The following FAXC variants were observed in gnomAD, a reference collection of about 807,000 sequenced individuals.
FAXC encodes the protein failed axon connections homolog, metaxin like GST domain containing, also known as failed axon connections homolog.
Under a neutral mutation model 41.9 loss-of-function variants are expected in FAXC, and 10 were observed. That is an observed-to-expected ratio of 0.24 (90% confidence interval 0.15 to 0.41). FAXC has a LOEUF of 0.41. Among genes scored for constraint, FAXC ranks in the 10% least tolerant of loss-of-function variants. FAXC has a pLI of 1.00. For synonymous variants in FAXC, 183 were observed against 183.8 expected, an observed-to-expected ratio of 1.00 and a Z score of 0.03; for missense variants, 399 against 510.9, an observed-to-expected ratio of 0.78 and a Z score of 2.11.
In FAXC at chr6:99,271,380, A is replaced by C. The variant is rs1289736601; in HGVS notation, c.*9784T>G. The C allele has an allele frequency of 1.3e-5, 2 of 152,114 alleles. No individual in the cohort carries two copies. Among genetic ancestry groups the C allele is most frequent in the Non-Finnish European group, 2.9e-5 (2 of 68,010 alleles). 9.4% of individuals were successfully genotyped at this position (152,114 alleles called of 1,614,324 possible). A position where few individuals can be genotyped will look rare whatever the true frequency, so the allele number is the denominator to read the frequency against. ...GATCTATTTCAAAGTATTTCTGACT[A>C]GGGTCTATGTTAATAAACAGGGCTG... On this transcript the variant is annotated 3_prime_UTR_variant, in exon 6 of 6. Transcript: ENST00000389677.
chr6:99,291,427 G>T (rs2128449730), intron 5 of FAXC, among the ~76,000 whole-genome samples: 1 of 152,342 alleles, frequency 6.6e-6, no homozygotes, highest in South Asian at 2.1e-4. Context: ...TATGTAAGCA[G>T]ATGGAAGAAA....
intron 1 of FAXC, among the ~76,000 whole-genome samples, chr6:99,346,472 C>T (rs1021035431): frequency 9.9e-5 from 15 of 152,284 alleles, no homozygotes; most frequent in Admixed American, 8.5e-4. Context: ...CTGCAACCTC[C>T]GCCTCCTGGG....
chr6:99,285,683 T>C (rs1249045790), intron 5 of FAXC, among the ~76,000 whole-genome samples: 1 of 152,138 alleles, frequency 6.6e-6, no homozygotes, highest in Non-Finnish European at 1.5e-5. Flanking sequence ...ATAAAATCAA[T>C]TGGTAAGAAA....
intron 4 of FAXC, among the ~76,000 whole-genome samples, chr6:99,322,700 G>C (rs1772636303): frequency 6.6e-6 from 1 of 152,140 alleles, no homozygotes; most frequent in Non-Finnish European, 1.5e-5. Flanking sequence ...ATCTGTTTAT[G>C]AATTGTCATC....
At chr6:99,319,881 C>T (rs1472276215) in intron 4 of FAXC, among the ~76,000 whole-genome samples, 4 of 152,190 alleles carry the variant, frequency 2.6e-5, no homozygotes, top group Non-Finnish European at 5.9e-5. Flanking sequence ...CGTAAACTTA[C>T]TGAATTCTCT....
intron 4 of FAXC, among the ~76,000 whole-genome samples, chr6:99,301,796 T>C (rs959388071): frequency 2.0e-5 from 3 of 152,202 alleles, no homozygotes; most frequent in Non-Finnish European, 2.9e-5. Context: ...CCACCCACCA[T>C]AGCAGGATAA....
At chr6:99,302,884 A>G (rs966382808) in intron 4 of FAXC, among the ~76,000 whole-genome samples, 1 of 145,260 alleles carries the variant, frequency 6.9e-6, no homozygotes, top group South Asian at 2.1e-4. Context: ...CTTCTGTACA[A>G]AAAAAAAAAT....
At chr6:99,325,730 C>CA (rs1220216497) in intron 3 of FAXC, among the ~76,000 whole-genome samples, 7 of 151,684 alleles carry the variant, frequency 4.6e-5, no homozygotes, top group Admixed American at 6.6e-5. Context: ...TCTAAATTCA[C>CA]AAAAAAAAGT....
rs373043959 is a variant in FAXC, at chr6:99,280,175, T to C, written c.*989A>G. The C allele has an allele frequency of 2.0e-5, 3 of 152,218 alleles. No homozygotes were observed. Among genetic ancestry groups the C allele is most frequent in the Admixed American group, 6.5e-5 (1 of 15,282 alleles). 9.4% of individuals were successfully genotyped at this position (152,218 alleles called of 1,614,324 possible). On this transcript the variant is annotated 3_prime_UTR_variant, in exon 6 of 6. Transcript: ENST00000389677. ...ACTTTTCTGCAAATACATGGTAGAA[T>C]TGAAGACTGTTTGTAGCTGTCGATA...
At chr6:99,289,173 C>T (rs1771137764) in intron 5 of FAXC, among the ~76,000 whole-genome samples, 1 of 152,152 alleles carries the variant, frequency 6.6e-6, no homozygotes, top group African/African-American at 2.4e-5. Context: ...CCCTCCTCCC[C>T]AAACCTAAAT....
intron 3 of FAXC, among the ~76,000 whole-genome samples, chr6:99,324,156 T>C (rs1317939232): frequency 1.3e-5 from 2 of 151,662 alleles, no homozygotes; most frequent in South Asian, 2.1e-4. Context: ...TTGTTTTGTA[T>C]ACTCTGTATA....
intron 4 of FAXC, among the ~76,000 whole-genome samples, chr6:99,306,819 A>G (rs944615951): frequency 1.2e-4 from 18 of 152,176 alleles, no homozygotes; most frequent in African/African-American, 4.1e-4. Context: ...TGAGCATGAA[A>G]TAAGTTAATA....
At chr6:99,286,063 T>C (rs9373105) in intron 5 of FAXC, among the ~76,000 whole-genome samples, 5 of 151,996 alleles carry the variant, frequency 3.3e-5, no homozygotes, top group Non-Finnish European at 7.4e-5. Context: ...TTGGAAAACA[T>C]AGGCCAACAT....
rs184021467 is a variant in FAXC, at chr6:99,315,955, T to C, written c.823+7489A>G. 2.2e-3 allele frequency among the ~76,000 whole-genome samples: 336 copies of C among 152,320 alleles called. 4 individuals carry two copies. The highest frequency in any genetic ancestry group is 0.018 in the Admixed American group (271 of 15,298). ...ACCAATTATTCATCTACTTTTCCCA[T>C]GAGATAGCTGCTGTATCACCACCCA... On this transcript the variant is annotated intron_variant, in intron 4 of 5. Transcript: ENST00000389677.
At chr6:99,284,559 CTGTGTGTGTGTGTG>C (rs74553398) in intron 5 of FAXC, among the ~76,000 whole-genome samples, 4 of 118,818 alleles carry the variant, frequency 3.4e-5, no homozygotes, top group South Asian at 5.2e-4. Flanking sequence ...TGTGGAGTGT[CTGTGTGTGTGTGTG>C]TGTGTGTGTG....
At chr6:99,304,749 T>G (rs1301193158) in intron 4 of FAXC, among the ~76,000 whole-genome samples, 1 of 152,166 alleles carries the variant, frequency 6.6e-6, no homozygotes, top group East Asian at 1.9e-4. Context: ...GCCAGTCAAT[T>G]CCTTCAGGAT....
chr6:99,332,361 T>C (rs556074263), intron 3 of FAXC, among the ~76,000 whole-genome samples: 146 of 152,222 alleles, frequency 9.6e-4, no homozygotes, highest in African/African-American at 3.4e-3. Context: ...TAACAATTAA[T>C]GCCAAAAACA....
At chr6:99,339,916 G>T (rs1284189382) in intron 2 of FAXC, among the ~76,000 whole-genome samples, 1 of 152,084 alleles carries the variant, frequency 6.6e-6, no homozygotes, top group Non-Finnish European at 1.5e-5. Context: ...TAACAAAATT[G>T]ATAATTAATT....
chr6:99,293,665 A>AGTGT (rs55827992), intron 4 of FAXC, among the ~76,000 whole-genome samples: 6,933 of 123,076 alleles, frequency 0.056, 305 homozygotes, highest in Non-Finnish European at 0.065. Context: ...CTCTATACAC[A>AGTGT]GTGTGTGTGT....
Sources: allele counts gnomAD v4.1 joint callset (sites outside exome capture counted in the v4.1 genomes callset), GRCh38; gene constraint gnomAD v4.1.1; transcripts MANE v1.5; gene names NCBI Gene and HGNC (gene_info 2026-07-23, HGNC 2026-07-21).